MAPK6: variants seen among roughly 807,000 people sequenced by gnomAD.
The protein encoded by MAPK6 is ERK-3.
Under a neutral mutation model 59.3 loss-of-function variants are expected in MAPK6, and 19 were observed. The observed-to-expected ratio is 0.32, with a 90% confidence interval of 0.22 to 0.47. The LOEUF is 0.47. MAPK6 is among the 20% of genes least tolerant of loss of function. The probability of loss-of-function intolerance (pLI) is 1.00; values close to 1 mark genes in which losing one functional copy is unlikely to be tolerated. For missense variants in MAPK6, 724 were observed against 847.9 expected (o/e 0.85, Z 1.81); for synonymous variants, 316 against 290.3 (o/e 1.09, Z -0.90).
intron 2 of MAPK6, among the ~76,000 whole-genome samples, chr15:51,983,898 A>G (rs998096304): frequency 6.6e-6 from 1 of 152,134 alleles, no homozygotes; most frequent in Admixed American, 6.6e-5. Context: ...TCTTTGATTA[A>G]ATATTTCCAT....
intron 1 of MAPK6, among the ~76,000 whole-genome samples, chr15:52,040,673 C>G (rs1224455499): frequency 6.6e-6 from 1 of 152,182 alleles, no homozygotes; most frequent in Non-Finnish European, 1.5e-5. Flanking sequence ...GCTTGACTCC[C>G]AGTACCAGCA....
At chr15:52,041,855 GC>G (rs1379723882) in intron 1 of MAPK6, among the ~76,000 whole-genome samples, 1 of 152,118 alleles carries the variant, frequency 6.6e-6, no homozygotes, top group East Asian at 1.9e-4. Context: ...GTATCTTGTA[GC>G]ATTCCTTGGT....
chr15:51,990,794 C>T (rs796146008), intron 2 of MAPK6, among the ~76,000 whole-genome samples: 50 of 152,252 alleles, frequency 3.3e-4, no homozygotes, highest in African/African-American at 1.0e-3. Flanking sequence ...ACTAAAAGTA[C>T]GAAAACAAAA....
chr15:52,012,101 A>C (rs2030073183), intron 3 of MAPK6, among the ~76,000 whole-genome samples: 1 of 152,192 alleles, frequency 6.6e-6, no homozygotes, highest in African/African-American at 2.4e-5. Flanking sequence ...ATGCTGAGCC[A>C]ATGCCTCTCG....
chr15:51,984,931 G>T (rs2057186154), intron 2 of MAPK6, among the ~76,000 whole-genome samples: 1 of 152,082 alleles, frequency 6.6e-6, no homozygotes, highest in South Asian at 2.1e-4. Flanking sequence ...TTTGTTTTTT[G>T]TTTCGCACTT....
rs1028678564 is a variant in MAPK6 at position 52,054,248 on chromosome 15, A to G, written c.700+4111A>G. Among the ~76,000 whole-genome samples the G allele has an allele frequency of 8.6e-5, 13 of 151,620 alleles. 1 individual carries two copies. Among genetic ancestry groups the G allele is most frequent in the Admixed American group, 7.9e-4 (12 of 15,234 alleles). ...CTGGGCATGGTGGCGCGCACCTACA[A>G]TCCCAGCTACTCGGGAGGCTGAGGC... On this transcript the variant is annotated intron_variant, in intron 3 of 5. Transcript: ENST00000261845.
intron 2 of MAPK6, among the ~76,000 whole-genome samples, chr15:51,984,447 AT>A (rs71130112): frequency 8.2e-3 from 576 of 69,922 alleles, no homozygotes; most frequent in African/African-American, 0.014. Context: ...ACGCCGGCTA[AT>A]TTTTTTTTTT....
At position 52,061,517 on chromosome 15, in the gene MAPK6, TTAGAAAAA is replaced by T. The variant is rs770344818; in HGVS notation, c.1067+20_1067+27del. 4 of 1,579,370 alleles carry T rather than the reference TTAGAAAAA, an allele frequency of 2.5e-6. No homozygotes were observed. In the South Asian group the frequency reaches 4.4e-5, roughly 18 times the overall value. The stretch of plus-strand genomic sequence containing the variant: ...CTGGGAAAGGTAAATTGATCCTAAA[TTAGAAAAA>T]TAATATTTACTGAACTTTCAGTGGA... On this transcript the variant is annotated intron_variant, in intron 5 of 5. Transcript: ENST00000261845.
chr15:51,985,981 C>CA (rs200710668), intron 2 of MAPK6, among the ~76,000 whole-genome samples: 2,622 of 151,358 alleles, frequency 0.017, 77 homozygotes, highest in African/African-American at 0.06. Context: ...AAAACAACGA[C>CA]AAAAAAATTG....
intron 1 of MAPK6, chr15:52,027,745 T>C (rs1162480030): frequency 1.4e-5 from 2 of 143,246 alleles, no homozygotes; most frequent in Non-Finnish European, 3.0e-5. Context: ...GCCTGTTGAT[T>C]TCTCTTTATT....
At chr15:52,023,125 A>AAAAAAAC (rs1566902303) in intron 1 of MAPK6, among the ~76,000 whole-genome samples, 2 of 150,570 alleles carry the variant, frequency 1.3e-5, no homozygotes, top group African/African-American at 4.9e-5. Context: ...AAAAAAAAAA[A>AAAAAAAC]AAACCGAAAA....
At chr15:52,010,514 C>CTTT (rs762352581) in intron 3 of MAPK6, among the ~76,000 whole-genome samples, 23 of 91,858 alleles carry the variant, frequency 2.5e-4, no homozygotes, top group Non-Finnish European at 3.6e-4. Flanking sequence ...TGCACCCAGC[C>CTTT]TTTTTTTTTT....
intron 3 of MAPK6, among the ~76,000 whole-genome samples, chr15:52,052,132 G>T (rs945530505): frequency 6.6e-6 from 1 of 152,160 alleles, no homozygotes; most frequent in Non-Finnish European, 1.5e-5. Context: ...GTCAAAATAT[G>T]GGAGTGGTTT....
chr15:52,040,534 A>G (rs1306659909), intron 1 of MAPK6, among the ~76,000 whole-genome samples: 8 of 152,248 alleles, frequency 5.3e-5, no homozygotes, highest in Admixed American at 3.3e-4. Context: ...CTTTCTTTGC[A>G]CATCTAGACT....
chr15:51,974,526 A>G lies in MAPK6; in HGVS notation c.-880+2620A>G, dbSNP rs554038469. On this transcript the variant is annotated intron_variant, in intron 1 of 7. Coordinates refer to the MAPK6 transcript ENST00000691380. The stretch of plus-strand genomic sequence containing the variant: ...AAAAAAAAGTTAGCAGGGCATGGTG[A>G]CGGGCACCTGTAGTCCCAGCTACTG... Among the ~76,000 whole-genome samples, 29 of 150,338 alleles carry G rather than the reference A, an allele frequency of 1.9e-4. No individual in the cohort carries two copies. The South Asian group carries it at 5.7e-3, about 30-fold the overall frequency.
intron 1 of MAPK6, among the ~76,000 whole-genome samples, chr15:51,974,575 C>G (rs1365462980): frequency 2.1e-5 from 3 of 141,792 alleles, no homozygotes; most frequent in African/African-American, 7.8e-5. Context: ...AGGAGAATGG[C>G]ATGAACCCAG....
At chr15:51,992,305 A>ATATTTTT (rs572519819) in intron 2 of MAPK6, among the ~76,000 whole-genome samples, 5 of 101,420 alleles carry the variant, frequency 4.9e-5, no homozygotes, top group African/African-American at 7.5e-5. Context: ...ATATATATAT[A>ATATTTTT]TTTTTTTTTT....
At chr15:51,984,472 TTTTTG>T (rs2057184528) in intron 2 of MAPK6, among the ~76,000 whole-genome samples, 1 of 141,306 alleles carries the variant, frequency 7.1e-6, no homozygotes, top group African/African-American at 2.7e-5. Context: ...TTTTTTTTTT[TTTTTG>T]TATTTTTAGT....
At chr15:52,007,113 T>C (rs2029907729) in intron 3 of MAPK6, among the ~76,000 whole-genome samples, 1 of 152,158 alleles carries the variant, frequency 6.6e-6, no homozygotes, top group Non-Finnish European at 1.5e-5. Flanking sequence ...TCTTCCTTCC[T>C]ACCCCACTTC....
Sources: gnomAD v4.1 joint callset for allele counts (sites outside exome capture counted in the v4.1 genomes callset) on GRCh38, gnomAD v4.1.1 for gene constraint, MANE v1.5 for transcripts, NCBI Gene and HGNC (gene_info 2026-07-23, HGNC 2026-07-21) for gene names.